Variants in PRKG1 observed in about 807,000 individuals in gnomAD.
PRKG1 encodes protein kinase cGMP-dependent 1.
A neutral mutation model predicts 88.1 loss-of-function variants in PRKG1; 35 were observed. The observed-to-expected ratio is 0.40, with a 90% CI of 0.30 to 0.53. PRKG1 has a LOEUF of 0.53. PRKG1 is among the 20% of genes least tolerant of loss of function. The pLI, the probability that PRKG1 is intolerant of heterozygous loss-of-function variation, is 0.59. For missense variants in PRKG1, 540 were observed against 839.8 expected, an observed-to-expected ratio of 0.64 and a Z score of 4.41; for synonymous variants, 303 against 292.5, an observed-to-expected ratio of 1.04 and a Z score of -0.37.
chr10:51,737,370 T>G (rs1244789659), intron 3 of PRKG1, among the ~76,000 whole-genome samples: 2 of 152,248 alleles, frequency 1.3e-5, no homozygotes, highest in Non-Finnish European at 2.9e-5. Context: ...CAACCCATCC[T>G]TCTTGAAAAT....
chr10:51,238,159 C>T (rs2132120124), intron 2 of PRKG1, among the ~76,000 whole-genome samples: 1 of 152,248 alleles, frequency 6.6e-6, no homozygotes, highest in South Asian at 2.1e-4. Context: ...GATTCTTTTT[C>T]ACTGTAGCCA....
intron 2 of PRKG1, among the ~76,000 whole-genome samples, chr10:51,451,285 T>TA (rs1839431808): frequency 2.5e-5 from 1 of 39,838 alleles, no homozygotes; most frequent in Non-Finnish European, 5.4e-5. Context: ...AAGTAAACTT[T>TA]TTTTTTTTGG....
chr10:51,468,365 A>G (rs1213967414), intron 3 of PRKG1, among the ~76,000 whole-genome samples: 2 of 151,876 alleles, frequency 1.3e-5, no homozygotes, highest in African/African-American at 2.4e-5. Flanking sequence ...GCTGTATATT[A>G]TAGCATTTAT....
At chr10:51,067,696 A>T (rs1366853190) in intron 1 of PRKG1, among the ~76,000 whole-genome samples, 1 of 152,060 alleles carries the variant, frequency 6.6e-6, no homozygotes, top group Non-Finnish European at 1.5e-5. Flanking sequence ...AAAAATTTGT[A>T]TGTAATACAG....
At chr10:51,971,015 T>C (rs1321078597) in intron 5 of PRKG1, among the ~76,000 whole-genome samples, 1 of 151,532 alleles carries the variant, frequency 6.6e-6, no homozygotes, top group African/African-American at 2.4e-5. Flanking sequence ...CACACAGCAA[T>C]GGAAAGGAAT....
intron 1 of PRKG1, among the ~76,000 whole-genome samples, chr10:51,151,978 A>T (rs1904695): frequency 0.47 from 71,086 of 151,474 alleles, 16,632 homozygotes; most frequent in African/African-American, 0.49. Context: ...TTAATTTTTT[A>T]AAAATTAAGA....
chr10:51,260,692 G>C (rs79003866), intron 2 of PRKG1, among the ~76,000 whole-genome samples: 1 of 152,172 alleles, frequency 6.6e-6, no homozygotes, highest in African/African-American at 2.4e-5. Flanking sequence ...TGCTCATGGA[G>C]ATTATTAAAG....
chr10:51,131,482 C>T (rs979340543), intron 1 of PRKG1, among the ~76,000 whole-genome samples: 25 of 152,244 alleles, frequency 1.6e-4, no homozygotes, highest in Non-Finnish European at 2.9e-4. Flanking sequence ...AGCGGTGGCT[C>T]ATGCCTGTAA....
At chr10:51,446,301 A>T (rs1455806316) in intron 2 of PRKG1, among the ~76,000 whole-genome samples, 1 of 151,900 alleles carries the variant, frequency 6.6e-6, no homozygotes, top group African/African-American at 2.4e-5. Context: ...TAGATACATA[A>T]AATGAGAGAA....
intron 3 of PRKG1, among the ~76,000 whole-genome samples, chr10:51,506,093 G>T (rs1841194023): frequency 6.6e-6 from 1 of 152,104 alleles, no homozygotes; most frequent in Admixed American, 6.6e-5. Context: ...GGGAAAACTG[G>T]CTAGCCATAT....
At chr10:51,228,782 C>T (rs1031518338) in intron 2 of PRKG1, among the ~76,000 whole-genome samples, 1 of 152,216 alleles carries the variant, frequency 6.6e-6, no homozygotes, top group Non-Finnish European at 1.5e-5. Context: ...TTTACACCTT[C>T]CTGTTAACCT....
At chr10:51,852,962 T>C (rs1840595816) in intron 4 of PRKG1, among the ~76,000 whole-genome samples, 1 of 152,194 alleles carries the variant, frequency 6.6e-6, no homozygotes, top group African/African-American at 2.4e-5. Context: ...CTGTTAAGTA[T>C]TTTGAAGCCT....
intron 3 of PRKG1, among the ~76,000 whole-genome samples, chr10:51,597,336 A>T (rs560228454): frequency 1.3e-5 from 2 of 152,096 alleles, no homozygotes; most frequent in Non-Finnish European, 2.9e-5. Context: ...AATCACACAC[A>T]CTTACCAATC....
intron 2 of PRKG1, among the ~76,000 whole-genome samples, chr10:51,246,378 A>C (rs1839290582): frequency 6.6e-6 from 1 of 151,958 alleles, no homozygotes; most frequent in Admixed American, 6.6e-5. Flanking sequence ...GAGAGATAGC[A>C]CTCCACAAAC....
chr10:52,056,828 C>T (rs916801651), intron 6 of PRKG1, among the ~76,000 whole-genome samples: 1 of 151,842 alleles, frequency 6.6e-6, no homozygotes, highest in African/African-American at 2.4e-5. Context: ...ATATTAAAAT[C>T]ATTAAGAATA....
chr10:51,627,088 G>A (rs1839355166), intron 3 of PRKG1, among the ~76,000 whole-genome samples: 1 of 152,038 alleles, frequency 6.6e-6, no homozygotes, highest in African/African-American at 2.4e-5. Flanking sequence ...AGCAAGGTAG[G>A]GCACTTAACA....
At chr10:51,610,917 G>A (rs2132243984) in intron 3 of PRKG1, among the ~76,000 whole-genome samples, 1 of 152,210 alleles carries the variant, frequency 6.6e-6, no homozygotes, top group Non-Finnish European at 1.5e-5. Flanking sequence ...GGGAGGGAGA[G>A]CATCAGGACA....
intron 4 of PRKG1, among the ~76,000 whole-genome samples, chr10:51,813,663 A>C (rs993063292): frequency 6.6e-6 from 1 of 152,152 alleles, no homozygotes; most frequent in African/African-American, 2.4e-5. Context: ...ACTCCACCCT[A>C]TACTGCCTCA....
At chr10:51,529,898 A>G (rs1397925573) in intron 3 of PRKG1, among the ~76,000 whole-genome samples, 15 of 152,242 alleles carry the variant, frequency 9.9e-5, no homozygotes, top group Admixed American at 9.8e-4. Flanking sequence ...ATCTAATGAC[A>G]TTATGAAACA....
Sources: allele counts gnomAD v4.1 joint callset (sites outside exome capture counted in the v4.1 genomes callset), GRCh38; gene constraint gnomAD v4.1.1; transcripts MANE v1.5; gene names NCBI Gene and HGNC (gene_info 2026-07-23, HGNC 2026-07-21).